HECW1: variants seen among roughly 807,000 people sequenced by gnomAD.
HECW1 encodes HECT, C2 and WW domain containing E3 ubiquitin protein ligase 1, also known as E3 ubiquitin-protein ligase HECW1.
HECW1 carries 61 observed loss-of-function variants against 182.3 expected under a neutral mutation model. The ratio of observed to expected loss-of-function variants is 0.33; its 90% CI spans 0.27 to 0.41. The LOEUF (loss-of-function observed/expected upper bound fraction) is 0.41, where lower values mean the gene tolerates loss of function less well. Ranked by LOEUF, HECW1 falls within the 10% of genes least tolerant of loss-of-function variation. The pLI, the probability that HECW1 is intolerant of heterozygous loss-of-function variation, is 1.00. For missense variants in HECW1, 1,739 were observed against 2,108.9 expected, an observed-to-expected ratio of 0.82 and a Z score of 3.44; for synonymous variants, 859 against 832.6, an observed-to-expected ratio of 1.03 and a Z score of -0.55.
intron 2 of HECW1, among the ~76,000 whole-genome samples, chr7:43,197,557 C>A (rs1197810392): frequency 2.0e-5 from 3 of 152,170 alleles, no homozygotes; most frequent in African/African-American, 7.2e-5. Flanking sequence ...TAACCTTCTA[C>A]AGCTCCCCCA....
chr7:43,396,729 CTG>C (rs1313837760), intron 6 of HECW1, 83 bp from the exon 7 acceptor site: 8 of 893,118 alleles, frequency 9.0e-6, no homozygotes, highest in Admixed American at 7.4e-5. Flanking sequence ...GGTAAAATCA[CTG>C]TGAATAACCA....
intron 27 of HECW1, 115 bp downstream of exon 27, chr7:43,550,706 G>C (rs1392143775): frequency 9.5e-6 from 10 of 1,056,192 alleles, no homozygotes; most frequent in African/African-American, 1.6e-5. Flanking sequence ...CAGAGAGGGA[G>C]AGCCAAGGTG....
chr7:43,432,842 AG>A lies in HECW1; in HGVS notation c.802-5160del, dbSNP rs1456494829. Reference sequence around the variant, plus strand: ...AATTTCATTAAGTTCAATTTATAAAAGTTCTGTTTAGAGGCGATCTACCTCA... The same window carrying A: ...AATTTCATTAAGTTCAATTTATAAAATTCTGTTTAGAGGCGATCTACCTCA... On this transcript the variant is annotated intron_variant, in intron 8 of 29. Coordinates refer to ENST00000395891, the MANE Select transcript of HECW1 (RefSeq NM_015052.5). This position sits in a 1 kb window ranked among gnomAD's most constrained non-coding sequence, Gnocchi z 4.1. Among the ~76,000 whole-genome samples, 1 of 152,248 alleles carries A rather than the reference AG, an allele frequency of 6.6e-6. No homozygotes were observed. Among genetic ancestry groups the A allele is most frequent in the African/African-American group, 2.4e-5 (1 of 41,466 alleles).
At position 43,308,119 on chromosome 7, in the gene HECW1, A is replaced by T. The variant is rs981148987; in HGVS notation, c.28-3644A>T. 6.7e-4 allele frequency among the ~76,000 whole-genome samples: 71 copies of T among 105,486 alleles called. 1 individual carries two copies. The highest frequency in any genetic ancestry group is 2.8e-3 in the African/African-American group (70 of 25,208). The allele number at this position is 105,486 out of a possible 152,430, so 69.2% of individuals were successfully genotyped here. ...ATATGTTATATATAATATAACATAT[A>T]ATATATTTATATATAATATATTATA... On this transcript the variant is annotated intron_variant, in intron 3 of 29. Coordinates refer to ENST00000395891, the MANE Select transcript of HECW1 (RefSeq NM_015052.5).
At chr7:43,277,910 TC>T (rs1803370191) in intron 3 of HECW1, among the ~76,000 whole-genome samples, 1 of 152,100 alleles carries the variant, frequency 6.6e-6, no homozygotes, top group African/African-American at 2.4e-5. Context: ...AAGTCATCAT[TC>T]CCTGTTTTCT....
At chr7:43,157,197 A>G (rs1789977791) in intron 2 of HECW1, among the ~76,000 whole-genome samples, 1 of 152,206 alleles carries the variant, frequency 6.6e-6, no homozygotes, top group Admixed American at 6.5e-5. Flanking sequence ...GGGACACATT[A>G]AACATTGTGG....
intron 2 of HECW1, among the ~76,000 whole-genome samples, chr7:43,205,115 G>A (rs1238986247): frequency 2.6e-5 from 4 of 151,382 alleles, no homozygotes; most frequent in Non-Finnish European, 2.9e-5. Flanking sequence ...ATGGAGTCTC[G>A]CACTATTGCC....
chr7:43,520,788 C>A (rs981810023), intron 24 of HECW1, among the ~76,000 whole-genome samples: 4 of 152,174 alleles, frequency 2.6e-5, no homozygotes, highest in Non-Finnish European at 5.9e-5. Flanking sequence ...GGCTCTTCCT[C>A]CTCCCCATCT....
At chr7:43,226,344 G>A (rs1797424194) in intron 2 of HECW1, among the ~76,000 whole-genome samples, 1 of 152,096 alleles carries the variant, frequency 6.6e-6, no homozygotes, top group Non-Finnish European at 1.5e-5. Flanking sequence ...TGGTTGGTTT[G>A]TCTTAAAATG....
chr7:43,281,713 CTTTTTTTTTTTT>C (rs55860415), intron 3 of HECW1, among the ~76,000 whole-genome samples: 1 of 77,348 alleles, frequency 1.3e-5, no homozygotes, highest in East Asian at 3.9e-4. Context: ...TCTTTGCTTT[CTTTTTTTTTTTT>C]TTTTTTTTTT....
intron 2 of HECW1, among the ~76,000 whole-genome samples, chr7:43,212,151 TG>T (rs1395275670): frequency 6.6e-6 from 1 of 152,234 alleles, no homozygotes; most frequent in East Asian, 1.9e-4. Context: ...TATTGATTCT[TG>T]TAAACACAGT....
chr7:43,330,416 C>G (rs1414114951), intron 5 of HECW1, among the ~76,000 whole-genome samples: 1 of 152,170 alleles, frequency 6.6e-6, no homozygotes, highest in Non-Finnish European at 1.5e-5. Flanking sequence ...ATGTGAGATC[C>G]GCAGGAGAAC....
intron 2 of HECW1, among the ~76,000 whole-genome samples, chr7:43,138,995 G>T (rs1325675060): frequency 6.6e-6 from 1 of 152,136 alleles, no homozygotes; most frequent in African/African-American, 2.4e-5. Flanking sequence ...TTGTTTGTTT[G>T]TTTGTTTGTT....
At chr7:43,504,246 C>A (rs2079486923) in intron 21 of HECW1, among the ~76,000 whole-genome samples, 1 of 152,170 alleles carries the variant, frequency 6.6e-6, no homozygotes, top group African/African-American at 2.4e-5. Context: ...CAATGACTTT[C>A]TCCTCCCCTG....
chr7:43,487,989 A>AAAAG (rs771105945), intron 17 of HECW1, among the ~76,000 whole-genome samples: 71 of 150,976 alleles, frequency 4.7e-4, no homozygotes, highest in Non-Finnish European at 7.8e-4. Context: ...AGAGAAAGAA[A>AAAAG]AAAGAAAGAA....
At chr7:43,294,948 A>C (rs935973294) in intron 3 of HECW1, among the ~76,000 whole-genome samples, 1 of 152,130 alleles carries the variant, frequency 6.6e-6, no homozygotes, top group African/African-American at 2.4e-5. Context: ...ACATTGTATA[A>C]TATGTAAGAT....
chr7:43,373,607 T>C (rs960852283), intron 6 of HECW1, among the ~76,000 whole-genome samples: 1 of 150,882 alleles, frequency 6.6e-6, no homozygotes, highest in Non-Finnish European at 1.5e-5. Flanking sequence ...TACATGTTTG[T>C]TTTTTTTTAA....
chr7:43,309,212 G>A lies in HECW1; in HGVS notation c.28-2551G>A, dbSNP rs1347877169. On this transcript the variant is annotated intron_variant, in intron 3 of 29. Transcript: ENST00000395891. ...GGAGGCAAGGAGCGGTTACAGCAGA[G>A]TTGGTGCTGGAGCATAATTCTGATG... Among the ~76,000 whole-genome samples, 3 of 152,276 alleles carry A rather than the reference G, an allele frequency of 2.0e-5. No homozygotes were observed. The South Asian group carries it at 6.2e-4, about 32-fold the overall frequency.
In HECW1 at chr7:43,223,011, G is replaced by A. The variant is rs546446894; in HGVS notation, c.-31-20864G>A. 1.5e-4 allele frequency among the ~76,000 whole-genome samples: 23 copies of A among 152,242 alleles called. No homozygotes were observed. The South Asian group carries it at 4.6e-3, about 30-fold the overall frequency. Reference sequence around the variant, plus strand: ...GAAGCATTTCAAACAGAAAATGTCCGAAACCAAACTCTTGTTTTTCTTCTC... The same window carrying A: ...GAAGCATTTCAAACAGAAAATGTCCAAAACCAAACTCTTGTTTTTCTTCTC... On this transcript the variant is annotated intron_variant, in intron 2 of 29. Transcript: ENST00000395891.
Sources: gnomAD v4.1 joint callset for allele counts (sites outside exome capture counted in the v4.1 genomes callset) on GRCh38, gnomAD v4.1.1 for gene constraint, Gnocchi (gnomAD v3.1) non-coding constraint, MANE v1.5 for transcripts, NCBI Gene and HGNC (gene_info 2026-07-23, HGNC 2026-07-21) for gene names.